The following MRPS30 variants were observed in gnomAD, a reference collection of about 807,000 sequenced individuals.
MRPS30 encodes mitochondrial ribosomal protein S30.
In MRPS30, 42 loss-of-function variants were observed where a neutral mutation model predicts 43.8. That is an observed-to-expected ratio of 0.96 (90% confidence interval 0.75 to 1.24). The LOEUF (loss-of-function observed/expected upper bound fraction) is 1.24, where lower values mean the gene tolerates loss of function less well. Ranked by LOEUF, MRPS30 falls within the 50% of genes most tolerant of loss-of-function variation. The probability of loss-of-function intolerance (pLI) is 0.00; values close to 1 mark genes in which losing one functional copy is unlikely to be tolerated. For missense variants in MRPS30, 638 were observed against 570.0 expected (o/e 1.12, Z -1.22); for synonymous variants, 273 against 228.2 (o/e 1.20, Z -1.77).
intron 4 of MRPS30, among the ~76,000 whole-genome samples, chr5:44,814,224 A>C (rs577652978): frequency 6.6e-6 from 1 of 152,360 alleles, no homozygotes; most frequent in Admixed American, 6.5e-5. Context: ...AACCTGAAGT[A>C]ATGTAATATG....
intron 1 of MRPS30, 65 bp downstream of exon 1, chr5:44,809,628 G>A (rs1742795330): frequency 1.4e-6 from 2 of 1,428,284 alleles, no homozygotes; most frequent in East Asian, 4.6e-5. Flanking sequence ...TTACTCTGCC[G>A]CAGATTTACC....
intron 4 of MRPS30, among the ~76,000 whole-genome samples, chr5:44,814,215 A>G (rs1017101374): frequency 1.3e-5 from 2 of 152,214 alleles, no homozygotes; most frequent in African/African-American, 4.8e-5. Context: ...TTATTCTAAA[A>G]CCTGAAGTAA....
rs375996054 is a variant in MRPS30, at chr5:44,811,169, C to T, written c.747+15C>T. On this transcript the variant is annotated intron_variant, in intron 2 of 4. Coordinates refer to ENST00000507110, the MANE Select transcript of MRPS30 (RefSeq NM_016640.4). ...AACTCGCAGAGGTAAGGATTTATTG[C>T]GATTATGTATCTATTGATATCTCGT... is the stretch of plus-strand genomic sequence containing the variant. The T allele has an allele frequency of 4.3e-6, 7 of 1,611,706 alleles. No individual in the cohort carries two copies. The African/African-American group carries it at 5.3e-5, about 12-fold the overall frequency.
In MRPS30 at chr5:44,809,914, G is replaced by A. The variant is rs181629056; in HGVS notation, c.601+351G>A. 1.9e-5 allele frequency: 5 copies of A among 260,480 alleles called. No individual in the cohort carries two copies. The East Asian group carries it at 3.6e-4, about 19-fold the overall frequency. 16.1% of individuals were successfully genotyped at this position (260,480 alleles called of 1,614,324 possible). ...AGTGGGGCGGGCCAGGTTTCCTGTT[G>A]GCTGTTCCACCACAAAGCTGTGTGA... is the stretch of plus-strand genomic sequence containing the variant. On this transcript the variant is annotated intron_variant, in intron 1 of 4. Transcript: ENST00000507110.
At position 44,811,926 on chromosome 5, in the gene MRPS30, G is replaced by A; in HGVS notation, c.759G>A (p.Leu253=). ...ISKQLAEFVP[L]DYSVPIEIPT... ...TCTTTTTCTTTAAGTTTGTGCCATTGGATTATTCTGTTCCTATAGAAATCC... is the reference window on the plus strand; with the variant it reads ...TCTTTTTCTTTAAGTTTGTGCCATTAGATTATTCTGTTCCTATAGAAATCC... The change falls in exon 3 of 5, where the codon TTG becomes TTA. Residue 253 remains leucine (L), a synonymous_variant. Transcript: ENST00000507110. 6.4e-7 allele frequency: 1 copy of A among 1,558,576 alleles called. No homozygotes were observed. Among genetic ancestry groups the A allele is most frequent in the Non-Finnish European group, 8.7e-7 (1 of 1,149,016 alleles).
At chr5:44,814,391 G>A (rs1464267533) in intron 4 of MRPS30, among the ~76,000 whole-genome samples, 1 of 152,176 alleles carries the variant, frequency 6.6e-6, no homozygotes, top group Non-Finnish European at 1.5e-5. Context: ...GGGAGTAGGA[G>A]TAGATGGAAT....
At chr5:44,810,807 C>G (rs1742827895) in intron 1 of MRPS30, among the ~76,000 whole-genome samples, 1 of 152,064 alleles carries the variant, frequency 6.6e-6, no homozygotes, top group South Asian at 2.1e-4. Context: ...GGTTACTGTT[C>G]ATTGTAATGA....
intron 1 of MRPS30, chr5:44,809,835 A>G: frequency 2.2e-6 from 1 of 445,388 alleles, no homozygotes. Context: ...CTACTTTGTG[A>G]GTGTTCAGCC....
chr5:44,813,178 A>G lies in MRPS30; in HGVS notation c.926A>G (p.Glu309Gly). ...CTGTTACCTGACAAATTAAGAAGGGAAAGGCTTTTGAGACAAAACTGTGCT... is the reference window on the plus strand; with the variant it reads ...CTGTTACCTGACAAATTAAGAAGGGGAAGGCTTTTGAGACAAAACTGTGCT... Reference protein sequence around the residue: ...FHLLPDKLRRERLLRQNCADQ... With the variant: ...FHLLPDKLRRGRLLRQNCADQ... The change falls in exon 4 of 5, where the codon GAA becomes GGA. Residue 309 changes from glutamate (E) to glycine (G), a missense_variant. Glu to Gly is a moderately conservative substitution (Grantham distance 98, BLOSUM62 -2). Coordinates refer to ENST00000507110, the MANE Select transcript of MRPS30 (RefSeq NM_016640.4). 1 of 1,613,576 alleles carries G rather than the reference A, an allele frequency of 6.2e-7. No homozygotes were observed. Among genetic ancestry groups the G allele is most frequent in the Non-Finnish European group, 8.5e-7 (1 of 1,179,704 alleles).
rs887109263 is a variant in MRPS30 at position 44,809,178 on chromosome 5, T to C, written c.216T>C (p.Ala72=). The part of the protein sequence containing the change: ...RIERWQATVH[A]AESVDEKLRI... ...AGCGCTGGCAGGCGACGGTGCACGC[T>C]GCGGAGTCGGTAGACGAGAAGCTGC... The change falls in exon 1 of 5, where the codon GCT becomes GCC. Residue 72 remains alanine (A), a synonymous_variant. Transcript: ENST00000507110. The C allele has an allele frequency of 8.7e-6, 14 of 1,612,434 alleles. No individual in the cohort carries two copies. Among genetic ancestry groups the C allele is most frequent in the Non-Finnish European group, 1.1e-5 (13 of 1,179,648 alleles).
intron 1 of MRPS30, among the ~76,000 whole-genome samples, chr5:44,810,493 G>GTAGATA (rs1742821672): frequency 6.6e-6 from 1 of 152,202 alleles, no homozygotes; most frequent in African/African-American, 2.4e-5. Flanking sequence ...GACTGTAGAT[G>GTAGATA]TGTGCTCAAC....
At chr5:44,810,165 A>G (rs532442076) in intron 1 of MRPS30, among the ~76,000 whole-genome samples, 1 of 152,140 alleles carries the variant, frequency 6.6e-6, no homozygotes, top group Non-Finnish European at 1.5e-5. Context: ...GTGCCAACTT[A>G]TTAATGCTCA....
chr5:44,811,654 T>A (rs1742840800), intron 2 of MRPS30, among the ~76,000 whole-genome samples: 1 of 152,206 alleles, frequency 6.6e-6, no homozygotes, highest in Non-Finnish European at 1.5e-5. Flanking sequence ...GCCGTAAGTC[T>A]CTGTTGCAAG....
Position 44,813,166 on chromosome 5 carries a change from A to G in MRPS30, c.914A>G (p.Lys305Arg), listed in dbSNP as rs75089600. The change falls in exon 4 of 5, where the codon AAA becomes AGA. Residue 305 changes from lysine to arginine, a missense_variant. Lys to Arg is a conservative substitution (Grantham distance 26). Coordinates refer to ENST00000507110, the MANE Select transcript of MRPS30 (RefSeq NM_016640.4). ...GHTQFHLLPD[K>R]LRRERLLRQN... ...ACCCAGTTTCATCTGTTACCTGACA[A>G]ATTAAGAAGGGAAAGGCTTTTGAGA... is the stretch of plus-strand genomic sequence containing the variant. 1.5e-4 allele frequency: 238 copies of G among 1,613,478 alleles called. No individual in the cohort carries two copies. The African/African-American group carries it at 2.9e-3, about 19-fold the overall frequency.
chr5:44,809,362 G>C lies in MRPS30; in HGVS notation c.400G>C (p.Glu134Gln), dbSNP rs773718774. ...CGAGCCCGAGCCCGAACCCGAACCT[G>C]AACCTGCGCTGGACCTCGCGGCGCT... is the stretch of plus-strand genomic sequence containing the variant. ...EPEPEPEPEP[E>Q]PALDLAALRA... The change falls in exon 1 of 5, where the codon GAA becomes CAA. Residue 134 changes from glutamate (E) to glutamine (Q), a missense_variant. Transcript: ENST00000507110. 3.7e-6 allele frequency: 6 copies of C among 1,608,418 alleles called. No individual in the cohort carries two copies. Among genetic ancestry groups the C allele is most frequent in the Non-Finnish European group, 5.1e-6 (6 of 1,177,640 alleles).
chr5:44,811,131 C>G lies in MRPS30; in HGVS notation c.724C>G (p.Arg242Gly), dbSNP rs201364888. 3.7e-6 allele frequency: 6 copies of G among 1,613,816 alleles called. No homozygotes were observed. Among genetic ancestry groups the G allele is most frequent in the Non-Finnish European group, 5.1e-6 (6 of 1,179,896 alleles). Residue 242 changes from arginine (R) to glycine (G), a missense_variant, in exon 2 of 5, where the codon CGA (arginine) becomes GGA (glycine). Arg to Gly is a moderately radical substitution (Grantham distance 125). Transcript: ENST00000507110. ...AGATGATAAACCAAACAACCAGATT[C>G]GAATATCCAAGCAACTCGCAGAGGT... The part of the protein sequence containing the change: ...QIDDKPNNQI[R>G]ISKQLAEFVP...
chr5:44,809,621 C>G, intron 1 of MRPS30, 58 bp downstream of exon 1: 1 of 1,459,602 alleles, frequency 6.9e-7, no homozygotes, highest in Non-Finnish European at 9.2e-7. Flanking sequence ...TACTGGGTTA[C>G]TCTGCCGCAG....
rs1213632156 is a variant in MRPS30 at position 44,808,951 on chromosome 5, T to A, written c.-12T>A. Reference sequence around the variant, plus strand: ...CTTAAGTTGACCTCTGGGTCCGGAATCGCGGGCAAAGATGGCGGCGGCCAG... The same window carrying A: ...CTTAAGTTGACCTCTGGGTCCGGAAACGCGGGCAAAGATGGCGGCGGCCAG... On this transcript the variant is annotated 5_prime_UTR_variant, in exon 1 of 5. Coordinates refer to ENST00000507110, the MANE Select transcript of MRPS30 (RefSeq NM_016640.4). The A allele has an allele frequency of 1.3e-6, 2 of 1,583,014 alleles. No homozygotes were observed. The highest frequency in any genetic ancestry group is 2.7e-5 in the African/African-American group (2 of 74,136).
chr5:44,809,315 T>TGCC lies in MRPS30; in HGVS notation c.360_362dup (p.Pro122dup). ...ACCAAGACCGTGTTCCTGTCGGGTC[T>TGCC]GCCGCCGCCCCCAGCGGAGCCCGAG... On this transcript the variant is annotated inframe_insertion, in exon 1 of 5. Transcript: ENST00000507110. 1.9e-6 allele frequency: 3 copies of TGCC among 1,612,452 alleles called. No homozygotes were observed. The highest frequency in any genetic ancestry group is 2.5e-6 in the Non-Finnish European group (3 of 1,179,522).
Sources: gnomAD v4.1 joint callset for allele counts (sites outside exome capture counted in the v4.1 genomes callset) on GRCh38, gnomAD v4.1.1 for gene constraint, MANE v1.5 for transcripts, NCBI Gene and HGNC (gene_info 2026-07-23, HGNC 2026-07-21) for gene names.